NXPE2: variants seen among roughly 807,000 people sequenced by gnomAD.
NXPE2 encodes the protein NXPE family member 2.
A neutral mutation model predicts 34.4 loss-of-function variants in NXPE2; 34 were observed. The ratio of observed to expected loss-of-function variants is 0.99; its 90% CI spans 0.75 to 1.31. NXPE2 has a LOEUF of 1.31. NXPE2 is among the 40% of genes most tolerant of loss of function. The pLI is 0.00. For synonymous variants in NXPE2, 235 were observed against 231.3 expected, an observed-to-expected ratio of 1.02 and a Z score of -0.15; for missense variants, 649 against 672.5, an observed-to-expected ratio of 0.97 and a Z score of 0.39.
chr11:114,521,904 TTACAA>T, the NXPE2 span: 5 of 1,250,080 alleles, frequency 4.0e-6, no homozygotes, highest in African/African-American at 1.5e-5. Context: ...AAAACTTACT[TTACAA>T]TACATGTGGG....
chr11:114,530,918 C>G, the NXPE2 span: 2 of 1,594,760 alleles, frequency 1.3e-6, no homozygotes, highest in African/African-American at 2.7e-5. Flanking sequence ...GCTGAAATGA[C>G]AAGGATTGTG....
the NXPE2 span, among the ~76,000 whole-genome samples, chr11:114,642,349 G>A: frequency 2.6e-5 from 4 of 151,938 alleles, no homozygotes; most frequent in African/African-American, 9.7e-5. Flanking sequence ...AGATATACAC[G>A]TACCATGGTG....
the NXPE2 span, among the ~76,000 whole-genome samples, chr11:114,596,775 C>G: frequency 1.3e-5 from 2 of 152,166 alleles, no homozygotes; most frequent in African/African-American, 4.8e-5. Flanking sequence ...AGTTCACAGT[C>G]TACTCTGAGA....
chr11:114,491,119 G>A, the NXPE2 span, among the ~76,000 whole-genome samples: 5 of 128,744 alleles, frequency 3.9e-5, no homozygotes, highest in South Asian at 2.7e-4. Flanking sequence ...CCGAGATTGC[G>A]CCACTGCAGT....
the NXPE2 span, among the ~76,000 whole-genome samples, chr11:114,651,190 G>A: frequency 2.6e-5 from 4 of 152,138 alleles, no homozygotes; most frequent in South Asian, 2.1e-4. Context: ...GGACCCTCGC[G>A]GTTGAGTGTT....
At chr11:114,752,064 C>A in the NXPE2 span, among the ~76,000 whole-genome samples, 1 of 152,182 alleles carries the variant, frequency 6.6e-6, no homozygotes, top group South Asian at 2.1e-4. Context: ...TAAATTTGTG[C>A]TGTTTTAAGA....
chr11:114,640,312 T>C, the NXPE2 span, among the ~76,000 whole-genome samples: 1 of 146,544 alleles, frequency 6.8e-6, no homozygotes. Flanking sequence ...TTTATATATT[T>C]ATATATTATA....
At chr11:114,566,806 T>C in the NXPE2 span, among the ~76,000 whole-genome samples, 1 of 152,194 alleles carries the variant, frequency 6.6e-6, no homozygotes, top group Non-Finnish European at 1.5e-5. Flanking sequence ...ATGTTTTCTT[T>C]TTTAAGATGC....
the NXPE2 span, among the ~76,000 whole-genome samples, chr11:114,805,943 C>G: frequency 9.2e-5 from 14 of 152,210 alleles, no homozygotes; most frequent in Non-Finnish European, 1.3e-4. Flanking sequence ...GGAGGCACCC[C>G]TCAGTAGGGG....
Position 114,698,540 on chromosome 11 carries a change from G to C in NXPE2, c.628G>C (p.Gly210Arg). The C allele has an allele frequency of 6.2e-7, 1 of 1,614,088 alleles. No individual in the cohort carries two copies. The highest frequency in any genetic ancestry group is 8.5e-7 in the Non-Finnish European group (1 of 1,179,980). Residue 210 changes from glycine (G) to arginine (R), a missense_variant, in exon 3 of 6, where the codon GGA (glycine) becomes CGA (arginine). Physicochemically the swap from Gly to Arg is moderately radical, Grantham distance 125 (BLOSUM62 -2). Transcript: ENST00000389586. ...AGCTCTCTGGAGGGCAAGGAACCAA[G>C]GATGTGATAGGATCATCTTCACTGG... Reference protein sequence around the residue: ...VSALWRARNQGCDRIIFTGLF... With the variant: ...VSALWRARNQRCDRIIFTGLF...
chr11:114,465,498 T>C, the NXPE2 span, among the ~76,000 whole-genome samples: 1 of 152,146 alleles, frequency 6.6e-6, no homozygotes, highest in South Asian at 2.1e-4. Flanking sequence ...AGGAAGGGCA[T>C]CAAAATCAGG....
the NXPE2 span, among the ~76,000 whole-genome samples, chr11:114,805,926 A>G: frequency 6.6e-6 from 1 of 152,196 alleles, no homozygotes; most frequent in Non-Finnish European, 1.5e-5. Context: ...CCCGAGTAGC[A>G]TAACTGGGAG....
chr11:114,727,283 C>A, the NXPE2 span, among the ~76,000 whole-genome samples: 1 of 152,062 alleles, frequency 6.6e-6, no homozygotes, highest in African/African-American at 2.4e-5. Flanking sequence ...GTGAAGCCCT[C>A]TTCTGCATTA....
At chr11:114,668,702 T>G in the NXPE2 span, among the ~76,000 whole-genome samples, 1 of 151,830 alleles carries the variant, frequency 6.6e-6, no homozygotes, top group East Asian at 1.9e-4. Context: ...CTTTATATTT[T>G]CTTCATAAAA....
At chr11:114,757,534 A>C in the NXPE2 span, among the ~76,000 whole-genome samples, 1 of 152,216 alleles carries the variant, frequency 6.6e-6, no homozygotes, top group Non-Finnish European at 1.5e-5. Flanking sequence ...AATAAGGAAT[A>C]ATTAAAAATA....
chr11:114,809,877 C>T, the NXPE2 span, among the ~76,000 whole-genome samples: 117,715 of 123,390 alleles, frequency 0.95, 56,532 homozygotes, highest in Middle Eastern at 1. Context: ...GAGCCCACAT[C>T]GCCAAGTCAA....
At chr11:114,755,769 CTATCT>C in the NXPE2 span, among the ~76,000 whole-genome samples, 4 of 149,416 alleles carry the variant, frequency 2.7e-5, no homozygotes, top group African/African-American at 7.6e-5. Context: ...TCTCTTTCTC[CTATCT>C]TATCTATCTT....
the NXPE2 span, among the ~76,000 whole-genome samples, chr11:114,601,994 T>G: frequency 1.2e-5 from 1 of 86,530 alleles, no homozygotes; most frequent in African/African-American, 4.7e-5. Flanking sequence ...TAATATATAA[T>G]GTATCTAATG....
the NXPE2 span, among the ~76,000 whole-genome samples, chr11:114,548,230 G>T: frequency 6.6e-6 from 1 of 152,058 alleles, no homozygotes; most frequent in Non-Finnish European, 1.5e-5. Context: ...TTCACTTTAA[G>T]GATAGCCACA....
Sources: allele counts gnomAD v4.1 joint callset (sites outside exome capture counted in the v4.1 genomes callset), GRCh38; gene constraint gnomAD v4.1.1; transcripts MANE v1.5; gene names NCBI Gene and HGNC (gene_info 2026-07-23, HGNC 2026-07-21).